ALOX5: variants seen among roughly 807,000 people sequenced by gnomAD.
ALOX5 encodes the protein polyunsaturated fatty acid 5-lipoxygenase.
Under a neutral mutation model 87.9 loss-of-function variants are expected in ALOX5, and 64 were observed. That is an observed-to-expected ratio of 0.73 (90% CI 0.60 to 0.90). The LOEUF (loss-of-function observed/expected upper bound fraction) is 0.90, where lower values mean the gene tolerates loss of function less well. Among genes scored for constraint, ALOX5 ranks in the 40% least tolerant of loss-of-function variants. The pLI, the probability that ALOX5 is intolerant of heterozygous loss-of-function variation, is 0.00. For missense variants in ALOX5, 822 were observed against 907.5 expected, an observed-to-expected ratio of 0.91 and a Z score of 1.21; for synonymous variants, 388 against 355.1, an observed-to-expected ratio of 1.09 and a Z score of -1.04.
intron 3 of ALOX5, 62 bp downstream of exon 3, chr10:45,395,998 G>A: frequency 6.5e-7 from 1 of 1,538,738 alleles, no homozygotes; most frequent in Non-Finnish European, 9.0e-7. Context: ...TCAAGAGCAT[G>A]GTATGAAATA....
At chr10:45,380,228 GC>G (rs1415868221) in intron 1 of ALOX5, among the ~76,000 whole-genome samples, 1 of 152,232 alleles carries the variant, frequency 6.6e-6, no homozygotes, top group African/African-American at 2.4e-5. Context: ...TGCAGGAGGG[GC>G]ATTGTCGTGG....
intron 7 of ALOX5, among the ~76,000 whole-genome samples, chr10:45,431,527 C>T (rs1471443050): frequency 6.6e-6 from 1 of 151,464 alleles, no homozygotes; most frequent in African/African-American, 2.4e-5. Flanking sequence ...ATATAATGCC[C>T]ATATAAGGAA....
chr10:45,414,684 A>T (rs1408686252), intron 4 of ALOX5, among the ~76,000 whole-genome samples: 1 of 152,210 alleles, frequency 6.6e-6, no homozygotes, highest in Non-Finnish European at 1.5e-5. Flanking sequence ...TTTGCAATCT[A>T]CTCAGCTGAC....
At chr10:45,394,475 A>C (rs1215337192) in intron 2 of ALOX5, among the ~76,000 whole-genome samples, 3 of 152,258 alleles carry the variant, frequency 2.0e-5, no homozygotes, top group East Asian at 3.8e-4. Context: ...TAAAGACTTA[A>C]ATGTTAGACC....
chr10:45,391,739 GC>G (rs1044454209), intron 2 of ALOX5, among the ~76,000 whole-genome samples: 30 of 151,608 alleles, frequency 2.0e-4, no homozygotes, highest in African/African-American at 7.3e-4. Context: ...GAGCACCACT[GC>G]CCCACCACCC....
intron 1 of ALOX5, among the ~76,000 whole-genome samples, chr10:45,378,320 G>A (rs1839702944): frequency 6.6e-6 from 1 of 152,192 alleles, no homozygotes; most frequent in African/African-American, 2.4e-5. Context: ...TTGGGGAACT[G>A]TGGGAGGAAC....
intron 2 of ALOX5, among the ~76,000 whole-genome samples, chr10:45,387,108 A>G (rs532120950): frequency 2.0e-5 from 3 of 152,310 alleles, no homozygotes; most frequent in East Asian, 1.9e-4. Flanking sequence ...AATGCACACC[A>G]TGACCCGGAG....
At chr10:45,405,217 C>G (rs531393000) in intron 3 of ALOX5, among the ~76,000 whole-genome samples, 19 of 152,164 alleles carry the variant, frequency 1.2e-4, no homozygotes, top group Non-Finnish European at 2.1e-4. Context: ...TGGAACAAAT[C>G]AGCATTTTTT....
chr10:45,427,608 T>G (rs970027262), intron 6 of ALOX5, among the ~76,000 whole-genome samples: 3 of 152,156 alleles, frequency 2.0e-5, no homozygotes, highest in African/African-American at 4.8e-5. Context: ...CTGGGATGTC[T>G]CCAGGCAGAG....
intron 6 of ALOX5, among the ~76,000 whole-genome samples, chr10:45,426,083 A>G (rs879813274): frequency 6.6e-6 from 1 of 152,218 alleles, no homozygotes; most frequent in Non-Finnish European, 1.5e-5. Flanking sequence ...TGAACAGCTG[A>G]CAGTTACAAT....
chr10:45,429,427 C>T lies in ALOX5; in HGVS notation c.981+663C>T, dbSNP rs190935569. Among the ~76,000 whole-genome samples the T allele has an allele frequency of 2.0e-5, 3 of 152,304 alleles. No homozygotes were observed. In the East Asian group the frequency reaches 5.8e-4, roughly 29 times the overall value. ...CAGCAAATAATGTCCATGAACTGGA[C>T]CTTGGGAGCTGTGGACACAATAGCA... On this transcript the variant is annotated intron_variant, in intron 7 of 13. Transcript: ENST00000374391.
chr10:45,424,878 C>A, intron 5 of ALOX5, 82 bp from the exon 6 acceptor site: 1 of 1,543,608 alleles, frequency 6.5e-7, no homozygotes, highest in Non-Finnish European at 8.8e-7. Flanking sequence ...AGGGACTCTG[C>A]TCTTAGGTGA....
intron 1 of ALOX5, 100 bp downstream of exon 1, chr10:45,374,529 G>A: frequency 8.2e-7 from 1 of 1,212,288 alleles, no homozygotes; most frequent in Non-Finnish European, 1.1e-6. Flanking sequence ...GGCCCGTCGG[G>A]GCGGCCCGGA....
Position 45,425,021 on chromosome 10 carries a change from C to T in ALOX5, c.723C>T (p.Cys241=). ...TTGGCTACCAGTTCCTGAATGGCTG[C>T]AACCCTGTGTTGATCCGGCGCTGCA... The part of the protein sequence containing the change: ...LMFGYQFLNG[C]NPVLIRRCTE... Residue 241 remains cysteine, a synonymous_variant, in exon 6 of 14, where the codon TGC becomes TGT. Coordinates refer to ENST00000374391, the MANE Select transcript of ALOX5 (RefSeq NM_000698.5). The surrounding 1 kb of genome is among the most constrained non-coding windows in gnomAD (Gnocchi z 4.4). 1.9e-6 allele frequency: 3 copies of T among 1,614,208 alleles called. No individual in the cohort carries two copies. Among genetic ancestry groups the T allele is most frequent in the Non-Finnish European group, 2.5e-6 (3 of 1,180,036 alleles).
intron 2 of ALOX5, among the ~76,000 whole-genome samples, chr10:45,392,315 G>C (rs527930117): frequency 1.8e-3 from 278 of 151,970 alleles, no homozygotes; most frequent in African/African-American, 6.1e-3. Context: ...TGCTGTGTCT[G>C]TGTAGAAAGA....
At position 45,382,682 on chromosome 10, in the gene ALOX5, G is replaced by A; in HGVS notation, c.349+1G>A. 1.9e-6 allele frequency: 3 copies of A among 1,611,062 alleles called. No individual in the cohort carries two copies. The highest frequency in any genetic ancestry group is 2.5e-6 in the Non-Finnish European group (3 of 1,178,574). On this transcript the variant is annotated splice_donor_variant, in intron 2 of 13. Coordinates refer to ENST00000374391, the MANE Select transcript of ALOX5 (RefSeq NM_000698.5). LOFTEE classifies it high-confidence loss of function. ...GAGGTTGTCCTGAGGGATGGACGCG[G>A]TGAGCAGCTCAGGCCCCTTCTGCCC...
chr10:45,419,295 G>A (rs1417546961), intron 4 of ALOX5, among the ~76,000 whole-genome samples: 8 of 139,674 alleles, frequency 5.7e-5, no homozygotes, highest in East Asian at 4.0e-4. Context: ...GAGAAAGCGG[G>A]GCACCCGGCC....
Position 45,445,841 on chromosome 10 carries a change from C to T in ALOX5, c.*154C>T. The T allele has an allele frequency of 1.2e-6, 1 of 835,704 alleles. No homozygotes were observed. Among genetic ancestry groups the T allele is most frequent in the Non-Finnish European group, 1.8e-6 (1 of 545,094 alleles). 51.8% of individuals were successfully genotyped at this position (835,704 alleles called of 1,614,324 possible). A position where few individuals can be genotyped will look rare whatever the true frequency, so the allele number is the denominator to read the frequency against. ...TTATTCTTTGATCTTCAGGGAACTG[C>T]ATAGATTGATCAAAGTGTAAACACC... On this transcript the variant is annotated 3_prime_UTR_variant, in exon 14 of 14. Transcript: ENST00000374391.
intron 1 of ALOX5, among the ~76,000 whole-genome samples, chr10:45,380,541 G>A (rs752106932): frequency 1.1e-4 from 16 of 152,278 alleles, no homozygotes; most frequent in South Asian, 2.1e-4. Flanking sequence ...GCCTGCGCTC[G>A]CACAAAGGAT....
Sources: gnomAD v4.1 joint callset for allele counts (sites outside exome capture counted in the v4.1 genomes callset) on GRCh38, gnomAD v4.1.1 for gene constraint, Gnocchi (gnomAD v3.1) non-coding constraint, MANE v1.5 for transcripts, NCBI Gene and HGNC (gene_info 2026-07-23, HGNC 2026-07-21) for gene names.